The following STT3B variants were observed in gnomAD, a reference collection of about 807,000 sequenced individuals.
The protein encoded by STT3B is dolichyl-diphosphooligosaccharide--protein glycosyltransferase subunit STT3B.
Under a neutral mutation model 96.8 loss-of-function variants are expected in STT3B, and 29 were observed. The observed-to-expected ratio is 0.30, with a 90% CI of 0.22 to 0.41. The LOEUF (loss-of-function observed/expected upper bound fraction) is 0.41, where lower values mean the gene tolerates loss of function less well. Among genes scored for constraint, STT3B ranks in the 10% least tolerant of loss-of-function variants. STT3B has a pLI of 1.00. For synonymous variants in STT3B, 367 were observed against 360.0 expected, an observed-to-expected ratio of 1.02 and a Z score of -0.22; for missense variants, 640 against 1,022.3, an observed-to-expected ratio of 0.63 and a Z score of 5.10.
intron 1 of STT3B, among the ~76,000 whole-genome samples, chr3:31,538,256 C>A (rs964118629): frequency 6.6e-6 from 1 of 152,170 alleles, no homozygotes; most frequent in Non-Finnish European, 1.5e-5. Context: ...TCCCCAACAC[C>A]ATGATAAAGA....
rs73824195 is a variant in STT3B, at chr3:31,588,244, G to T, written c.711+8148G>T. On this transcript the variant is annotated intron_variant, in intron 3 of 15. Transcript: ENST00000295770. ...CTGTTTAATAAGATAGTCACTGGCC[G>T]CATGTATATGGACTTTTTTTTTGTG... Among the ~76,000 whole-genome samples the T allele has an allele frequency of 6.1e-4, 93 of 152,008 alleles. No individual in the cohort carries two copies. The East Asian group carries it at 0.016, about 26-fold the overall frequency.
chr3:31,540,898 C>T (rs937740588), intron 1 of STT3B, among the ~76,000 whole-genome samples: 21 of 152,152 alleles, frequency 1.4e-4, no homozygotes, highest in African/African-American at 5.1e-4. Context: ...CTTGTGACCA[C>T]CATGCCTACC....
chr3:31,576,670 C>G (rs925650532), intron 2 of STT3B, among the ~76,000 whole-genome samples, 166 bp downstream of exon 2: 6 of 152,130 alleles, frequency 3.9e-5, no homozygotes, highest in African/African-American at 1.2e-4. Context: ...TTCTTGATAC[C>G]TCCTCCCCTT....
At chr3:31,617,188 T>TTC (rs1186648792) in intron 7 of STT3B, 113 bp downstream of exon 7, 4 of 675,914 alleles carry the variant, frequency 5.9e-6, no homozygotes, top group East Asian at 5.4e-5. Context: ...ATTTTTTTCT[T>TTC]TTTTTTTTTT....
At chr3:31,559,712 T>C (rs572219943) in intron 1 of STT3B, among the ~76,000 whole-genome samples, 8 of 152,252 alleles carry the variant, frequency 5.3e-5, no homozygotes, top group Admixed American at 5.2e-4. Flanking sequence ...ACATTTTGTC[T>C]AATGTGCAGT....
intron 8 of STT3B, among the ~76,000 whole-genome samples, chr3:31,619,457 A>T (rs1413647932): frequency 6.6e-6 from 1 of 152,210 alleles, no homozygotes; most frequent in Non-Finnish European, 1.5e-5. Flanking sequence ...CTGGATCTAG[A>T]TAATTCTCTG....
intron 3 of STT3B, among the ~76,000 whole-genome samples, chr3:31,582,910 T>C (rs1698443109): frequency 6.6e-6 from 1 of 152,228 alleles, no homozygotes; most frequent in African/African-American, 2.4e-5. Flanking sequence ...ATGGTATCTG[T>C]CTTTTTAAAT....
intron 1 of STT3B, among the ~76,000 whole-genome samples, chr3:31,573,520 A>G (rs1698202951): frequency 6.6e-6 from 1 of 152,184 alleles, no homozygotes; most frequent in South Asian, 2.1e-4. Flanking sequence ...ATTTTTGTAT[A>G]GGATGTGAGA....
chr3:31,572,582 C>T (rs1698183857), intron 1 of STT3B, among the ~76,000 whole-genome samples: 1 of 152,116 alleles, frequency 6.6e-6, no homozygotes, highest in African/African-American at 2.4e-5. Flanking sequence ...ATATTCTTGG[C>T]CTGGTGCGAT....
chr3:31,544,735 G>A (rs1422560190), intron 1 of STT3B, among the ~76,000 whole-genome samples: 1 of 152,218 alleles, frequency 6.6e-6, no homozygotes, highest in African/African-American at 2.4e-5. Context: ...GGCCGAGATA[G>A]GCGGATCATG....
At chr3:31,611,453 C>G (rs1212391724) in intron 5 of STT3B, among the ~76,000 whole-genome samples, 1 of 152,066 alleles carries the variant, frequency 6.6e-6, no homozygotes, top group Non-Finnish European at 1.5e-5. Flanking sequence ...TGCTGTAGTA[C>G]AAAGTCTGGC....
intron 5 of STT3B, among the ~76,000 whole-genome samples, chr3:31,614,733 A>G (rs1283833868): frequency 6.6e-6 from 1 of 151,644 alleles, no homozygotes; most frequent in Non-Finnish European, 1.5e-5. Context: ...TGTATTTTGG[A>G]TTAATGCCAA....
At chr3:31,534,071 T>C (rs189244138) in intron 1 of STT3B, among the ~76,000 whole-genome samples, 15 of 152,246 alleles carry the variant, frequency 9.9e-5, no homozygotes, top group Admixed American at 2.6e-4. Flanking sequence ...CACTATCGTC[T>C]TGGGTTGCTT....
intron 1 of STT3B, among the ~76,000 whole-genome samples, chr3:31,545,907 C>T (rs980783416): frequency 6.6e-6 from 1 of 151,604 alleles, no homozygotes; most frequent in Non-Finnish European, 1.5e-5. Flanking sequence ...CCCAGGGAAG[C>T]CGAAAGATTG....
chr3:31,596,744 T>TC (rs1283851373), intron 3 of STT3B, 54 bp from the exon 4 acceptor site: 4 of 1,404,336 alleles, frequency 2.8e-6, no homozygotes, highest in Non-Finnish European at 4.0e-6. Flanking sequence ...TTTTAAAAAT[T>TC]CCGCAAGAAC....
chr3:31,590,371 A>T (rs1207334136), intron 3 of STT3B, among the ~76,000 whole-genome samples: 1 of 151,830 alleles, frequency 6.6e-6, no homozygotes, highest in Non-Finnish European at 1.5e-5. Flanking sequence ...AGCTTCTTAA[A>T]GTTGAAGCTT....
At chr3:31,534,830 T>G (rs1158091528) in intron 1 of STT3B, among the ~76,000 whole-genome samples, 1 of 152,206 alleles carries the variant, frequency 6.6e-6, no homozygotes, top group Non-Finnish European at 1.5e-5. Context: ...AAAATAACCT[T>G]TTTGTTAACG....
At chr3:31,550,532 T>TGGG (rs1305740233) in intron 1 of STT3B, among the ~76,000 whole-genome samples, 2 of 152,192 alleles carry the variant, frequency 1.3e-5, no homozygotes, top group Non-Finnish European at 2.9e-5. Context: ...TTGTGAGTCT[T>TGGG]TCCCTTCAGA....
intron 3 of STT3B, among the ~76,000 whole-genome samples, chr3:31,585,087 A>T (rs1346103324): frequency 6.6e-6 from 1 of 152,132 alleles, no homozygotes; most frequent in Non-Finnish European, 1.5e-5. Context: ...TAAAAGGTAC[A>T]TGTTTTTAAA....
Sources: gnomAD v4.1 joint callset for allele counts (sites outside exome capture counted in the v4.1 genomes callset) on GRCh38, gnomAD v4.1.1 for gene constraint, MANE v1.5 for transcripts, NCBI Gene and HGNC (gene_info 2026-07-23, HGNC 2026-07-21) for gene names.